Variants in PCDH15 observed in about 807,000 individuals in gnomAD.
PCDH15 encodes protocadherin-15.
Under a neutral mutation model 178.5 loss-of-function variants are expected in PCDH15, and 129 were observed. That is an observed-to-expected ratio of 0.72 (90% CI 0.63 to 0.84). The LOEUF (loss-of-function observed/expected upper bound fraction) is 0.84, where lower values mean the gene tolerates loss of function less well. Among genes scored for constraint, PCDH15 ranks in the 40% least tolerant of loss-of-function variants. The probability of loss-of-function intolerance (pLI) is 0.00; values close to 1 mark genes in which losing one functional copy is unlikely to be tolerated. For missense variants in PCDH15, 2,230 were observed against 2,099.9 expected (o/e 1.06, Z -1.21); for synonymous variants, 800 against 732.0 (o/e 1.09, Z -1.50).
In PCDH15 at chr10:54,757,284, T is replaced by TAGAAAACTACTTCATTTGCCTTC. The variant is rs1314636890; in HGVS notation, c.-29+43640_-29+43641insGAAGGCAAATGAAGTAGTTTTCT. Among the ~76,000 whole-genome samples, 31 of 29,610 alleles carry TAGAAAACTACTTCATTTGCCTTC rather than the reference T, an allele frequency of 1.0e-3. 1 individual carries two copies. The highest frequency in any genetic ancestry group is 1.8e-3 in the Non-Finnish European group (23 of 12,876). The allele number at this position is 29,610 out of a possible 152,430, so 19.4% of individuals were successfully genotyped here. On this transcript the variant is annotated intron_variant, in intron 1 of 37. Transcript: ENST00000644397. ...CTTGCTCAGAATTCTACCTTTTTTT[T>TAGAAAACTACTTCATTTGCCTTC]TTTTTTTTTTTTTTTTGAGACGGAG...
chr10:54,663,958 T>A (rs1440881433), intron 2 of PCDH15, among the ~76,000 whole-genome samples: 1 of 152,018 alleles, frequency 6.6e-6, no homozygotes, highest in Non-Finnish European at 1.5e-5. Flanking sequence ...TACTAAACTG[T>A]ATTCCTTCTA....
chr10:54,173,120 G>T (rs1040582058), intron 13 of PCDH15, among the ~76,000 whole-genome samples: 1 of 152,034 alleles, frequency 6.6e-6, no homozygotes, highest in South Asian at 2.1e-4. Context: ...AACTACATAA[G>T]CCCTAAGGTT....
chr10:54,878,083 C>T (rs575514161), intron 3 of PCDH15, among the ~76,000 whole-genome samples: 4 of 151,620 alleles, frequency 2.6e-5, no homozygotes, highest in Non-Finnish European at 5.9e-5. Context: ...CTTCCTCAGT[C>T]CCCCTCGTAG....
chr10:53,986,813 G>T (rs940994214), intron 21 of PCDH15, among the ~76,000 whole-genome samples: 2 of 152,148 alleles, frequency 1.3e-5, no homozygotes, highest in African/African-American at 4.8e-5. Context: ...AGGGGCTAAG[G>T]GAAAGGGGAA....
At chr10:54,237,746 G>T (rs992862695) in intron 8 of PCDH15, among the ~76,000 whole-genome samples, 3 of 152,160 alleles carry the variant, frequency 2.0e-5, no homozygotes, top group Non-Finnish European at 2.9e-5. Flanking sequence ...TGAGGTTACT[G>T]ACTACTGTGA....
At chr10:55,015,652 G>A (rs1310228114) in intron 2 of PCDH15, among the ~76,000 whole-genome samples, 1 of 152,118 alleles carries the variant, frequency 6.6e-6, no homozygotes, top group African/African-American at 2.4e-5. Context: ...TTTATGAAGA[G>A]TTTAATATAG....
chr10:54,032,003 G>A (rs563102296), intron 18 of PCDH15, among the ~76,000 whole-genome samples: 1 of 151,836 alleles, frequency 6.6e-6, no homozygotes, highest in African/African-American at 2.4e-5. Context: ...GGTTGAGTGT[G>A]TATATACCTC....
intron 2 of PCDH15, among the ~76,000 whole-genome samples, chr10:55,590,386 A>G (rs1362780052): frequency 1.3e-5 from 2 of 151,706 alleles, no homozygotes; most frequent in African/African-American, 2.4e-5. Flanking sequence ...TGGGTGCAGC[A>G]CACCAGCATG....
rs182186683 is a variant in PCDH15 at position 54,522,047 on chromosome 10, C to T, written c.157+5765G>A. Among the ~76,000 whole-genome samples the T allele has an allele frequency of 4.6e-3, 641 of 140,858 alleles. 19 individuals are homozygous for T. Among genetic ancestry groups the T allele is most frequent in the Admixed American group, 0.041 (555 of 13,474 alleles). The allele number at this position is 140,858 out of a possible 152,430, so 92.4% of individuals were successfully genotyped here. Reference sequence around the variant, plus strand: ...AGCTTGCAGTGAGCCAAGATCACGCCGCTGCATTCCAGCCTGAGTGACAGA... The same window carrying T: ...AGCTTGCAGTGAGCCAAGATCACGCTGCTGCATTCCAGCCTGAGTGACAGA... On this transcript the variant is annotated intron_variant, in intron 3 of 37. Transcript: ENST00000644397.
chr10:54,862,288 T>TA (rs1953856813), intron 3 of PCDH15, among the ~76,000 whole-genome samples: 1 of 152,216 alleles, frequency 6.6e-6, no homozygotes, highest in Non-Finnish European at 1.5e-5. Context: ...GATGAAATTG[T>TA]AAAAAATTAA....
chr10:54,256,473 T>C (rs1564802396), intron 8 of PCDH15, among the ~76,000 whole-genome samples: 1 of 152,188 alleles, frequency 6.6e-6, no homozygotes, highest in South Asian at 2.1e-4. Context: ...TTGCATCTGG[T>C]TCTGTAGGTT....
chr10:55,563,501 C>A (rs1279578462), intron 2 of PCDH15, among the ~76,000 whole-genome samples: 1 of 151,316 alleles, frequency 6.6e-6, no homozygotes, highest in Non-Finnish European at 1.5e-5. Flanking sequence ...AAACAGCAAG[C>A]CCTGGGGAAG....
At chr10:54,973,416 C>T (rs1798436421) in intron 2 of PCDH15, among the ~76,000 whole-genome samples, 1 of 152,050 alleles carries the variant, frequency 6.6e-6, no homozygotes, top group Non-Finnish European at 1.5e-5. Context: ...ATTTGTAACC[C>T]AAGGGTGTTT....
intron 14 of PCDH15, among the ~76,000 whole-genome samples, chr10:54,152,343 T>G (rs73245416): frequency 0.015 from 2,352 of 152,230 alleles, 76 homozygotes; most frequent in African/African-American, 0.054. Flanking sequence ...AATCGAAAAG[T>G]TTATCAATAA....
In PCDH15 at chr10:54,710,794, G is replaced by A. The variant is rs554196988; in HGVS notation, c.-28-46504C>T. Among the ~76,000 whole-genome samples the A allele has an allele frequency of 3.3e-5, 5 of 152,010 alleles. No homozygotes were observed. The South Asian group carries it at 1.0e-3, about 32-fold the overall frequency. On this transcript the variant is annotated intron_variant, in intron 1 of 37. Coordinates refer to ENST00000644397, the MANE Select transcript of PCDH15 (RefSeq NM_001384140.1). Reference sequence around the variant, plus strand: ...GTCTTCTAATACCTCTTTTTTACTTGATGACTCAACTTTTTGGGAGGTTTC... The same window carrying A: ...GTCTTCTAATACCTCTTTTTTACTTAATGACTCAACTTTTTGGGAGGTTTC...
rs1341574602 is a variant in PCDH15 at position 54,640,873 on chromosome 10, G to A, written c.91+23299C>T. ...AACCCCAGCACTTTGGGAGGCTGAGGTAGGTGGATCACTTGAGGTCAGGAG... is the reference window on the plus strand; with the variant it reads ...AACCCCAGCACTTTGGGAGGCTGAGATAGGTGGATCACTTGAGGTCAGGAG... On this transcript the variant is annotated intron_variant, in intron 2 of 37. Transcript: ENST00000644397. Among the ~76,000 whole-genome samples, 5 of 152,158 alleles carry A rather than the reference G, an allele frequency of 3.3e-5. No individual in the cohort carries two copies. In the East Asian group the frequency reaches 9.7e-4, roughly 29 times the overall value.
intron 9 of PCDH15, among the ~76,000 whole-genome samples, chr10:54,228,372 G>A (rs1180429808): frequency 6.6e-6 from 1 of 152,066 alleles, no homozygotes; most frequent in Non-Finnish European, 1.5e-5. Context: ...GATCTTGTGA[G>A]ACTTATTCAC....
At chr10:54,880,538 C>T (rs529533921) in intron 3 of PCDH15, among the ~76,000 whole-genome samples, 1 of 151,478 alleles carries the variant, frequency 6.6e-6, no homozygotes, top group Admixed American at 6.6e-5. Context: ...AAAGTTGGTT[C>T]TAACCAAAGT....
chr10:54,293,978 A>T (rs1431215365), intron 8 of PCDH15, among the ~76,000 whole-genome samples: 1 of 152,222 alleles, frequency 6.6e-6, no homozygotes, highest in Non-Finnish European at 1.5e-5. Flanking sequence ...ATATATACCC[A>T]AAGGATTATA....
Sources: gnomAD v4.1 joint callset for allele counts (sites outside exome capture counted in the v4.1 genomes callset) on GRCh38, gnomAD v4.1.1 for gene constraint, MANE v1.5 for transcripts, NCBI Gene and HGNC (gene_info 2026-07-23, HGNC 2026-07-21) for gene names.